Variants in BNC2 observed in about 807,000 individuals in gnomAD.
BNC2 encodes zinc finger protein basonuclin-2.
A neutral mutation model predicts 76.3 loss-of-function variants in BNC2; 20 were observed. The observed-to-expected ratio is 0.26, with a 90% CI of 0.18 to 0.38. The LOEUF is 0.38. BNC2 is among the 10% of genes least tolerant of loss of function. The probability of loss-of-function intolerance (pLI) is 1.00; values close to 1 mark genes in which losing one functional copy is unlikely to be tolerated. For synonymous variants in BNC2, 582 were observed against 514.8 expected (o/e 1.13, Z -1.77); for missense variants, 1,382 against 1,399.8 (o/e 0.99, Z 0.20).
rs554091123 is a variant in BNC2 at position 16,614,216 on chromosome 9, G to A, written c.331-31131C>T. ...GTAGGGGTACACCCTGAGATCTACGGAAGAACTTCTAGTAGAAATAGTTGG... is the reference window on the plus strand; with the variant it reads ...GTAGGGGTACACCCTGAGATCTACGAAAGAACTTCTAGTAGAAATAGTTGG... On this transcript the variant is annotated intron_variant, in intron 3 of 6. Transcript: ENST00000380672. Among the ~76,000 whole-genome samples the A allele has an allele frequency of 3.3e-5, 5 of 152,264 alleles. No homozygotes were observed. In the East Asian group the frequency reaches 7.7e-4, roughly 24 times the overall value.
intron 1 of BNC2, among the ~76,000 whole-genome samples, chr9:16,796,171 A>C (rs1389937613): frequency 6.6e-6 from 1 of 152,240 alleles, no homozygotes; most frequent in Non-Finnish European, 1.5e-5. Flanking sequence ...AATGGCATTA[A>C]CCATTCACTA....
intron 5 of BNC2, among the ~76,000 whole-genome samples, chr9:16,479,764 G>A (rs1173087832): frequency 6.8e-6 from 1 of 146,712 alleles, no homozygotes; most frequent in Non-Finnish European, 1.5e-5. Context: ...TTGCATTTAA[G>A]ATCTGACTTC....
At chr9:16,458,077 C>T (rs1423368623) in intron 5 of BNC2, among the ~76,000 whole-genome samples, 1 of 152,052 alleles carries the variant, frequency 6.6e-6, no homozygotes, top group African/African-American at 2.4e-5. Context: ...TATTAGTGCC[C>T]TCTACGGTGT....
At chr9:16,717,665 A>T (rs1022176472) in intron 3 of BNC2, among the ~76,000 whole-genome samples, 1 of 152,150 alleles carries the variant, frequency 6.6e-6, no homozygotes, top group African/African-American at 2.4e-5. Flanking sequence ...GAGATAATGG[A>T]TGTTTTAGTT....
intron 3 of BNC2, chr9:16,726,706 C>T (rs754532819): frequency 6.6e-6 from 1 of 152,038 alleles, no homozygotes; most frequent in African/African-American, 2.4e-5. Context: ...AACTAACTTG[C>T]TTTGTGTGTG....
chr9:16,589,334 C>T (rs1379388596), intron 3 of BNC2, among the ~76,000 whole-genome samples: 1 of 151,670 alleles, frequency 6.6e-6, no homozygotes, highest in Non-Finnish European at 1.5e-5. Context: ...TACAGGTGCA[C>T]ACCACCACTT....
At position 16,637,209 on chromosome 9, in the gene BNC2, G is replaced by A. The variant is rs1821354635; in HGVS notation, c.331-54124C>T. Among the ~76,000 whole-genome samples the A allele has an allele frequency of 2.0e-5, 3 of 151,816 alleles. No homozygotes were observed. The South Asian group carries it at 6.2e-4, about 32-fold the overall frequency. On this transcript the variant is annotated intron_variant, in intron 3 of 6. Coordinates refer to ENST00000380672, the MANE Select transcript of BNC2 (RefSeq NM_017637.6). ...TTACTCAATAACAATCCCCATATAT[G>A]AGCTCTTACAGGAAATCACATAAAG...
intron 2 of BNC2, chr9:16,728,348 C>A: frequency 2.6e-6 from 1 of 391,612 alleles, no homozygotes; most frequent in Non-Finnish European, 4.9e-6. Context: ...ACACCCTGCA[C>A]TAACCCCTCT....
At chr9:16,666,965 G>C (rs1425967235) in intron 3 of BNC2, among the ~76,000 whole-genome samples, 3 of 151,900 alleles carry the variant, frequency 2.0e-5, no homozygotes, top group Non-Finnish European at 4.4e-5. Context: ...ACTAGTACCA[G>C]AGTGATATTA....
At chr9:16,503,411 CT>C (rs201509547) in intron 5 of BNC2, among the ~76,000 whole-genome samples, 2 of 149,202 alleles carry the variant, frequency 1.3e-5, no homozygotes, top group Admixed American at 6.6e-5. Context: ...ATCCATCTAA[CT>C]TTTTTTTTAC....
chr9:16,551,312 T>G (rs1818656036), intron 5 of BNC2, among the ~76,000 whole-genome samples: 1 of 152,192 alleles, frequency 6.6e-6, no homozygotes, highest in Non-Finnish European at 1.5e-5. Context: ...CTTTCTATCC[T>G]TCCACTGCTC....
chr9:16,690,491 G>A (rs72704097), intron 3 of BNC2, among the ~76,000 whole-genome samples: 2 of 151,884 alleles, frequency 1.3e-5, no homozygotes, highest in Non-Finnish European at 2.9e-5. Flanking sequence ...ACATACTAAC[G>A]ACACAGTATT....
intron 1 of BNC2, among the ~76,000 whole-genome samples, chr9:16,843,159 G>A (rs1214683028): frequency 6.6e-6 from 1 of 152,136 alleles, no homozygotes; most frequent in South Asian, 2.1e-4. Flanking sequence ...TGGAGAGATA[G>A]ATGAATTTGC....
chr9:16,764,338 GA>G lies in BNC2; in HGVS notation c.4-25854del, dbSNP rs148465606. ...GCACGGCATACCAAAGTAGCCACTA[GA>G]AAAAAAGTGACCTCAATTTCATTTT... is the stretch of plus-strand genomic sequence containing the variant. On this transcript the variant is annotated intron_variant, in intron 1 of 6. Transcript: ENST00000380672. Among the ~76,000 whole-genome samples the G allele has an allele frequency of 2.6e-3, 391 of 152,166 alleles. 1 individual carries two copies. Among genetic ancestry groups the G allele is most frequent in the African/African-American group, 9.1e-3 (380 of 41,534 alleles).
At chr9:16,528,747 A>C (rs574953639) in intron 5 of BNC2, among the ~76,000 whole-genome samples, 2 of 152,326 alleles carry the variant, frequency 1.3e-5, no homozygotes, top group South Asian at 4.1e-4. Flanking sequence ...AACTGTCTTT[A>C]AATAAGTGAC....
intron 1 of BNC2, among the ~76,000 whole-genome samples, chr9:16,839,080 A>G (rs1818770000): frequency 6.6e-6 from 1 of 152,220 alleles, no homozygotes; most frequent in Non-Finnish European, 1.5e-5. Flanking sequence ...CTGATACATA[A>G]AAGTTTCTAA....
At chr9:16,559,819 T>G (rs1382876426) in intron 4 of BNC2, among the ~76,000 whole-genome samples, 2 of 152,250 alleles carry the variant, frequency 1.3e-5, no homozygotes, top group Admixed American at 6.5e-5. Flanking sequence ...CAGCACCTAT[T>G]AACTTATCTC....
chr9:16,471,256 C>T (rs1821817789), intron 5 of BNC2, among the ~76,000 whole-genome samples: 1 of 151,942 alleles, frequency 6.6e-6, no homozygotes, highest in African/African-American at 2.4e-5. Context: ...ATACCTATAC[C>T]TCCATTGTAT....
At chr9:16,780,165 G>A (rs1049714885) in intron 1 of BNC2, among the ~76,000 whole-genome samples, 3 of 150,280 alleles carry the variant, frequency 2.0e-5, no homozygotes, top group African/African-American at 4.9e-5. Context: ...GAACCTGGGA[G>A]GCGGAGCTTG....
Sources: gnomAD v4.1 joint callset for allele counts (sites outside exome capture counted in the v4.1 genomes callset) on GRCh38, gnomAD v4.1.1 for gene constraint, MANE v1.5 for transcripts, NCBI Gene and HGNC (gene_info 2026-07-23, HGNC 2026-07-21) for gene names.